Variants in MTUS2 observed in about 807,000 individuals in gnomAD.
The protein encoded by MTUS2 is microtubule-associated tumor suppressor candidate 2.
In MTUS2, 40 loss-of-function variants were observed where a neutral mutation model predicts 114.1. That is an observed-to-expected ratio of 0.35 (90% confidence interval 0.27 to 0.46). MTUS2 has a LOEUF of 0.46. Ranked by LOEUF, MTUS2 falls within the 20% of genes least tolerant of loss-of-function variation. The pLI, the probability that MTUS2 is intolerant of heterozygous loss-of-function variation, is 1.00. For missense variants in MTUS2, 1,679 were observed against 1,705.4 expected (o/e 0.98, Z 0.27); for synonymous variants, 688 against 672.0 (o/e 1.02, Z -0.37).
At chr13:29,085,593 C>T (rs1889655191) in intron 4 of MTUS2, among the ~76,000 whole-genome samples, 1 of 152,188 alleles carries the variant, frequency 6.6e-6, no homozygotes, top group Admixed American at 6.5e-5. Context: ...CAGCTCCACC[C>T]ATGTTCCTGC....
intron 2 of MTUS2, among the ~76,000 whole-genome samples, chr13:28,994,341 G>C (rs1028232990): frequency 1.3e-5 from 2 of 152,190 alleles, no homozygotes; most frequent in Non-Finnish European, 2.9e-5. Context: ...TTGCTAGTGT[G>C]AATAGTGCTG....
At chr13:28,979,360 A>T (rs555469433) in intron 2 of MTUS2, among the ~76,000 whole-genome samples, 1 of 152,216 alleles carries the variant, frequency 6.6e-6, no homozygotes, top group Non-Finnish European at 1.5e-5. Context: ...AACAAAAATT[A>T]TTGAAAATTA....
At chr13:29,440,301 T>C (rs1877738372) in intron 9 of MTUS2, among the ~76,000 whole-genome samples, 1 of 152,222 alleles carries the variant, frequency 6.6e-6, no homozygotes, top group Non-Finnish European at 1.5e-5. Flanking sequence ...CTGTGCTATT[T>C]GCAGATGGCA....
chr13:28,955,304 A>G (rs1252473380), intron 2 of MTUS2, among the ~76,000 whole-genome samples: 1 of 152,266 alleles, frequency 6.6e-6, no homozygotes, highest in Non-Finnish European at 1.5e-5. Context: ...TTTAAAGAAT[A>G]AAATATAAAT....
chr13:29,415,512 G>C (rs958351202), intron 8 of MTUS2, among the ~76,000 whole-genome samples: 1 of 152,172 alleles, frequency 6.6e-6, no homozygotes, highest in African/African-American at 2.4e-5. Flanking sequence ...TTGGATATCA[G>C]ATTGCTACCT....
At chr13:28,989,450 C>T (rs1486206249) in intron 2 of MTUS2, among the ~76,000 whole-genome samples, 1 of 152,214 alleles carries the variant, frequency 6.6e-6, no homozygotes, top group Admixed American at 6.5e-5. Context: ...AACAAAGTCC[C>T]TTGCCAGCTT....
At chr13:29,405,361 T>C (rs1237498686) in intron 8 of MTUS2, among the ~76,000 whole-genome samples, 1 of 152,252 alleles carries the variant, frequency 6.6e-6, no homozygotes, top group Non-Finnish European at 1.5e-5. Context: ...TGTTTTTGAC[T>C]TCTTTACTAT....
Position 29,389,679 on chromosome 13 carries a change from ATATG to A in MTUS2, c.3117+30214_3117+30217del, listed in dbSNP as rs1363301017. Among the ~76,000 whole-genome samples the A allele has an allele frequency of 2.1e-5, 3 of 145,190 alleles. 1 individual carries two copies. Among genetic ancestry groups the A allele is most frequent in the African/African-American group, 7.7e-5 (3 of 38,780 alleles). ...TATATATGTATATGTATATATACAT[ATATG>A]TATGTATATATGTGTATATGTGTAT... On this transcript the variant is annotated intron_variant, in intron 8 of 15. Coordinates refer to ENST00000612955, the MANE Select transcript of MTUS2 (RefSeq NM_001033602.4).
chr13:29,160,607 A>G (rs544692682), intron 5 of MTUS2, among the ~76,000 whole-genome samples: 265 of 152,228 alleles, frequency 1.7e-3, no homozygotes, highest in Non-Finnish European at 3.3e-3. Context: ...TGTCTTTACT[A>G]AAAATACAAA....
chr13:28,875,582 A>G (rs919149745), intron 2 of MTUS2, among the ~76,000 whole-genome samples: 2 of 152,246 alleles, frequency 1.3e-5, no homozygotes, highest in Non-Finnish European at 2.9e-5. Context: ...AACAGCCCAC[A>G]TAAGTAAATC....
chr13:29,487,775 T>C, intron 10 of MTUS2, 125 bp from the exon 11 acceptor site: 1 of 773,284 alleles, frequency 1.3e-6, no homozygotes, highest in Non-Finnish European at 2.2e-6. Flanking sequence ...CCAGCTCTCC[T>C]GCTTCGGCAC....
intron 2 of MTUS2, among the ~76,000 whole-genome samples, chr13:28,972,612 TA>T (rs1476472134): frequency 2.0e-5 from 3 of 152,198 alleles, no homozygotes; most frequent in African/African-American, 7.2e-5. Context: ...CAAGGTACAG[TA>T]AAACCTAAAT....
Position 29,173,970 on chromosome 13 carries a change from C to T in MTUS2, c.2644+73000C>T, listed in dbSNP as rs537540590. ...GATGTTTAGGTGGCATTTTCCTGTT[C>T]TATTCTATTCAGGAAATATGGACTC... On this transcript the variant is annotated intron_variant, in intron 5 of 15. Transcript: ENST00000612955. 1.7e-3 allele frequency among the ~76,000 whole-genome samples: 253 copies of T among 152,182 alleles called. 1 individual carries two copies. The highest frequency in any genetic ancestry group is 5.9e-3 in the African/African-American group (245 of 41,536).
At chr13:29,023,381 A>G (rs1004989135) in intron 2 of MTUS2, among the ~76,000 whole-genome samples, 2 of 152,224 alleles carry the variant, frequency 1.3e-5, no homozygotes, top group African/African-American at 4.8e-5. Flanking sequence ...AAAGTTGCAG[A>G]TGTAATAGAA....
intron 5 of MTUS2, among the ~76,000 whole-genome samples, chr13:29,220,574 G>A (rs1895868675): frequency 6.6e-6 from 1 of 152,196 alleles, no homozygotes; most frequent in Non-Finnish European, 1.5e-5. Context: ...GAGAGGGACA[G>A]GGAAGAGCCT....
chr13:28,962,553 A>G (rs1238618667), intron 2 of MTUS2, among the ~76,000 whole-genome samples: 1 of 152,196 alleles, frequency 6.6e-6, no homozygotes, highest in Non-Finnish European at 1.5e-5. Flanking sequence ...AATTAGTGGA[A>G]ATGAAGTTTC....
chr13:29,338,889 A>G (rs932763821), intron 7 of MTUS2, among the ~76,000 whole-genome samples: 1 of 152,214 alleles, frequency 6.6e-6, no homozygotes, highest in Non-Finnish European at 1.5e-5. Flanking sequence ...TTTGAGAGCA[A>G]CACGGTCTCT....
At chr13:28,890,430 T>C (rs1404139643) in intron 2 of MTUS2, among the ~76,000 whole-genome samples, 2 of 152,208 alleles carry the variant, frequency 1.3e-5, no homozygotes, top group Admixed American at 6.5e-5. Context: ...ATCTTCCTGG[T>C]GTGGCAACTG....
chr13:28,990,375 G>A (rs1326642720), intron 2 of MTUS2, among the ~76,000 whole-genome samples: 8 of 152,140 alleles, frequency 5.3e-5, no homozygotes, highest in African/African-American at 1.7e-4. Flanking sequence ...AAGCCAGCTG[G>A]ACTTACTGGG....
Sources: allele counts gnomAD v4.1 joint callset (sites outside exome capture counted in the v4.1 genomes callset), GRCh38; gene constraint gnomAD v4.1.1; transcripts MANE v1.5; gene names NCBI Gene and HGNC (gene_info 2026-07-23, HGNC 2026-07-21).